The following PIEZO2 variants were observed in gnomAD, a reference collection of about 807,000 sequenced individuals.
PIEZO2 encodes the protein piezo type mechanosensitive ion channel component 2.
In PIEZO2, 172 loss-of-function variants were observed where a neutral mutation model predicts 337.3. That is an observed-to-expected ratio of 0.51 (90% CI 0.45 to 0.58). PIEZO2 has a LOEUF of 0.58. Among genes scored for constraint, PIEZO2 ranks in the 20% least tolerant of loss-of-function variants. The pLI is 0.00. For missense variants in PIEZO2, 3,028 were observed against 3,391.3 expected, an observed-to-expected ratio of 0.89 and a Z score of 2.66; for synonymous variants, 1,251 against 1,228.5, an observed-to-expected ratio of 1.02 and a Z score of -0.38.
intron 4 of PIEZO2, among the ~76,000 whole-genome samples, chr18:10,889,848 G>T (rs1326161399): frequency 2.6e-5 from 4 of 152,200 alleles, no homozygotes; most frequent in African/African-American, 9.7e-5. Flanking sequence ...CCGTGGATGT[G>T]TTAGCCACAT....
intron 4 of PIEZO2, among the ~76,000 whole-genome samples, chr18:10,886,409 T>C (rs1279738520): frequency 1.5e-5 from 1 of 65,776 alleles, no homozygotes; most frequent in African/African-American, 8.6e-5. Context: ...TATATATATA[T>C]ATATATATAT....
rs575955172 is a variant in PIEZO2 at position 11,034,703 on chromosome 18, G to C, written c.160+31424C>G. Among the ~76,000 whole-genome samples, 9 of 152,260 alleles carry C rather than the reference G, an allele frequency of 5.9e-5. No individual in the cohort carries two copies. The East Asian group carries it at 1.7e-3, about 29-fold the overall frequency. On this transcript the variant is annotated intron_variant, in intron 2 of 55. Transcript: ENST00000674853. ...TTTGTGTGCGTAAAAAACTCTCCCA[G>C]AGGCTGGGTGCTGTGGCTGTAGTCC...
Position 10,834,812 on chromosome 18 carries a change from C to G in PIEZO2, c.917+20541G>C, listed in dbSNP as rs1040811225. ...TTCCTTTAAGTTTCTTCCCCGCTAG[C>G]TTTCACAAGAAACTCCAGTGCCCTT... is the stretch of plus-strand genomic sequence containing the variant. On this transcript the variant is annotated intron_variant, in intron 7 of 55. Coordinates refer to ENST00000674853, the MANE Select transcript of PIEZO2 (RefSeq NM_001378183.1). The surrounding 1 kb of genome is among the most constrained non-coding windows in gnomAD (Gnocchi z 4.5). 2.6e-5 allele frequency among the ~76,000 whole-genome samples: 4 copies of G among 152,228 alleles called. No homozygotes were observed. Among genetic ancestry groups the G allele is most frequent in the African/African-American group, 9.6e-5 (4 of 41,454 alleles).
intron 4 of PIEZO2, among the ~76,000 whole-genome samples, chr18:10,901,861 A>G (rs1454533904): frequency 6.6e-6 from 1 of 151,828 alleles, no homozygotes; most frequent in Non-Finnish European, 1.5e-5. Context: ...TAAAAATCAC[A>G]CTTCCACCTC....
chr18:10,985,149 A>C (rs974124078), intron 2 of PIEZO2, among the ~76,000 whole-genome samples: 1 of 152,108 alleles, frequency 6.6e-6, no homozygotes, highest in Non-Finnish European at 1.5e-5. Flanking sequence ...AAGGTATAAA[A>C]CTCACTGGTA....
intron 50 of PIEZO2, 125 bp from the exon 51 acceptor site, chr18:10,681,878 T>C (rs927475259): frequency 6.7e-6 from 6 of 896,932 alleles, no homozygotes; most frequent in Admixed American, 5.0e-5. Context: ...CCATGATACA[T>C]GGCATCCGAG....
rs77376380 is a variant in PIEZO2, at chr18:10,867,912, G to A, written c.492+3341C>T. ...AATGAGCAAGACCACAGATGTGTCA[G>A]TTGAGAAAGAACCTTTGATGACATT... On this transcript the variant is annotated intron_variant, in intron 5 of 55. Coordinates refer to ENST00000674853, the MANE Select transcript of PIEZO2 (RefSeq NM_001378183.1). Among the ~76,000 whole-genome samples the A allele has an allele frequency of 4.5e-3, 679 of 152,340 alleles. 4 individuals are homozygous for A. Among genetic ancestry groups the A allele is most frequent in the African/African-American group, 0.016 (651 of 41,572 alleles).
chr18:11,026,876 G>A (rs1360004334), intron 2 of PIEZO2, among the ~76,000 whole-genome samples: 1 of 152,138 alleles, frequency 6.6e-6, no homozygotes, highest in Non-Finnish European at 1.5e-5. Context: ...TAGACAGGAA[G>A]AGGGAAAAAA....
intron 3 of PIEZO2, among the ~76,000 whole-genome samples, chr18:10,916,413 T>A (rs1159582974): frequency 6.6e-6 from 1 of 152,228 alleles, no homozygotes; most frequent in East Asian, 1.9e-4. Flanking sequence ...AGGCTGCAGG[T>A]CCGGAGCCCT....
chr18:10,776,955 G>C (rs938850526), intron 18 of PIEZO2, among the ~76,000 whole-genome samples: 4 of 152,162 alleles, frequency 2.6e-5, no homozygotes, highest in Non-Finnish European at 4.4e-5. Flanking sequence ...TCAGGCTTCA[G>C]GCTAAGGAAC....
chr18:10,807,000 G>A (rs992441669), intron 8 of PIEZO2, 112 bp downstream of exon 8: 10 of 1,084,412 alleles, frequency 9.2e-6, no homozygotes, highest in Non-Finnish European at 1.2e-5. Context: ...GAACACTAGA[G>A]TTGTGTTGGA....
chr18:11,115,897 A>C (rs2039876579), intron 1 of PIEZO2, among the ~76,000 whole-genome samples: 1 of 152,190 alleles, frequency 6.6e-6, no homozygotes, highest in South Asian at 2.1e-4. Flanking sequence ...TATGAAGAGA[A>C]GCTTTCTTCC....
rs532929285 is a variant in PIEZO2, at chr18:10,822,980, T to A, written c.918-15706A>T. On this transcript the variant is annotated intron_variant, in intron 7 of 55. Transcript: ENST00000674853. ...CTTAGACATTATACAGGCTGCTATT[T>A]TAAAACAAATAGAATATCTCTTAAT... 2.1e-3 allele frequency among the ~76,000 whole-genome samples: 317 copies of A among 152,318 alleles called. 1 individual carries two copies. The highest frequency in any genetic ancestry group is 6.8e-3 in the Middle Eastern group (2 of 294).
chr18:11,113,647 T>G, intron 1 of PIEZO2, among the ~76,000 whole-genome samples: 1 of 152,216 alleles, frequency 6.6e-6, no homozygotes, highest in Non-Finnish European at 1.5e-5. Flanking sequence ...ACAATAGTCT[T>G]TTCAGATGAA....
chr18:10,706,144 A>C (rs2035577083), intron 40 of PIEZO2, among the ~76,000 whole-genome samples: 1 of 152,132 alleles, frequency 6.6e-6, no homozygotes. Context: ...AGAAGCTCTG[A>C]AGGTTTTGAC....
rs1389504742 is a variant in PIEZO2 at position 10,973,031 on chromosome 18, C to A, written c.286+6504G>T. ...CGATATGCAACTAGCTCACAGTCAC[C>A]CAAGATCCTAAATTTTCTCATATAT... On this transcript the variant is annotated intron_variant, in intron 3 of 55. Coordinates refer to ENST00000674853, the MANE Select transcript of PIEZO2 (RefSeq NM_001378183.1). The surrounding 1 kb of genome is among the most constrained non-coding windows in gnomAD (Gnocchi z 4.9). Among the ~76,000 whole-genome samples, 4 of 152,094 alleles carry A rather than the reference C, an allele frequency of 2.6e-5. No individual in the cohort carries two copies. Among genetic ancestry groups the A allele is most frequent in the African/African-American group, 9.7e-5 (4 of 41,408 alleles).
rs966539447 is a variant in PIEZO2, at chr18:10,846,127, A to G, written c.917+9226T>C. Among the ~76,000 whole-genome samples, 4 of 152,212 alleles carry G rather than the reference A, an allele frequency of 2.6e-5. No individual in the cohort carries two copies. In the East Asian group the frequency reaches 7.7e-4, roughly 29 times the overall value. Reference sequence around the variant, plus strand: ...CCATTGTCACACTGCTGAAAGTGACATACCCAAGACTTGGCAATTTACAAA... The same window carrying G: ...CCATTGTCACACTGCTGAAAGTGACGTACCCAAGACTTGGCAATTTACAAA... On this transcript the variant is annotated intron_variant, in intron 7 of 55. Coordinates refer to ENST00000674853, the MANE Select transcript of PIEZO2 (RefSeq NM_001378183.1). This position sits in a 1 kb window ranked among gnomAD's most constrained non-coding sequence, Gnocchi z 4.1.
chr18:10,763,016 A>T lies in PIEZO2; in HGVS notation c.3029T>A (p.Val1010Asp), dbSNP rs2143887042. 6.5e-7 allele frequency: 1 copy of T among 1,537,322 alleles called. No individual in the cohort carries two copies. The highest frequency in any genetic ancestry group is 2.0e-5 in the Admixed American group (1 of 51,006). The change falls in exon 22 of 56, where the codon GTC (valine) becomes GAC (aspartate). Residue 1010 changes from valine (V) to aspartate (D), a missense_variant. Val to Asp is a radical substitution (Grantham distance 152, BLOSUM62 -3). Coordinates refer to ENST00000674853, the MANE Select transcript of PIEZO2 (RefSeq NM_001378183.1). ...GATCACACACGTCCAGACTGTGCAG[A>T]CACTTGAAGCCAGACGGCGCAGCTT... ...YAKLRRLASS[V>D]CTVWTCVIIV...
rs1329880102 is a variant in PIEZO2, at chr18:11,077,859, T to G, written c.65-11637A>C. On this transcript the variant is annotated intron_variant, in intron 1 of 55. Transcript: ENST00000674853. This position sits in a 1 kb window ranked among gnomAD's most constrained non-coding sequence, Gnocchi z 4.8. Reference sequence around the variant, plus strand: ...ACTGTGTTACAAAGTAGAGCATAAGTGTCATTTTTCATTTTCACAAACAAG... The same window carrying G: ...ACTGTGTTACAAAGTAGAGCATAAGGGTCATTTTTCATTTTCACAAACAAG... Among the ~76,000 whole-genome samples the G allele has an allele frequency of 6.6e-6, 1 of 152,164 alleles. No individual in the cohort carries two copies. The highest frequency in any genetic ancestry group is 1.5e-5 in the Non-Finnish European group (1 of 68,040).
Sources: gnomAD v4.1 joint callset for allele counts (sites outside exome capture counted in the v4.1 genomes callset) on GRCh38, gnomAD v4.1.1 for gene constraint, Gnocchi (gnomAD v3.1) non-coding constraint, MANE v1.5 for transcripts, NCBI Gene and HGNC (gene_info 2026-07-23, HGNC 2026-07-21) for gene names.